The following MSI2 variants were observed in gnomAD, a reference collection of about 807,000 sequenced individuals.
MSI2 encodes musashi RNA binding protein 2.
MSI2 carries 17 observed loss-of-function variants against 45.6 expected under a neutral mutation model. The observed-to-expected ratio is 0.37, with a 90% confidence interval of 0.26 to 0.56. The LOEUF is 0.56. Among genes scored for constraint, MSI2 ranks in the 20% least tolerant of loss-of-function variants. MSI2 has a pLI of 0.77. For missense variants in MSI2, 293 were observed against 444.2 expected (o/e 0.66, Z 3.06); for synonymous variants, 156 against 158.2 (o/e 0.99, Z 0.11).
At chr17:57,670,093 C>T (rs1266274326) in intron 11 of MSI2, among the ~76,000 whole-genome samples, 2 of 152,212 alleles carry the variant, frequency 1.3e-5, no homozygotes, top group Non-Finnish European at 2.9e-5. Context: ...ATTTTGTAAA[C>T]ATTTGCTTTC....
At chr17:57,268,341 C>G (rs1250669785) in intron 5 of MSI2, 1 of 152,102 alleles carries the variant, frequency 6.6e-6, no homozygotes, top group Non-Finnish European at 1.5e-5. Flanking sequence ...ATCACCAAAG[C>G]CAGGGAGGAG....
intron 7 of MSI2, among the ~76,000 whole-genome samples, chr17:57,561,291 A>G (rs1439858324): frequency 6.6e-6 from 1 of 152,058 alleles, no homozygotes; most frequent in African/African-American, 2.4e-5. Flanking sequence ...ATTTTTGCCC[A>G]CCTGCCTGGA....
At chr17:57,563,746 G>GCGCACACACACACACACACACACACACA (rs534460755) in intron 7 of MSI2, among the ~76,000 whole-genome samples, 23 of 139,396 alleles carry the variant, frequency 1.6e-4, no homozygotes, top group Middle Eastern at 6.9e-3. Context: ...ACACAGGCGC[G>GCGCACACACACACACACACACACACACA]CACACACACA....
At chr17:57,455,887 G>T (rs985679953) in intron 6 of MSI2, among the ~76,000 whole-genome samples, 1 of 152,202 alleles carries the variant, frequency 6.6e-6, no homozygotes, top group African/African-American at 2.4e-5. Context: ...CATCCCAGCT[G>T]GTGCCCGCGT....
chr17:57,616,146 C>A, intron 9 of MSI2, 62 bp downstream of exon 9: 1 of 1,314,008 alleles, frequency 7.6e-7, no homozygotes, highest in Non-Finnish European at 1.1e-6. Flanking sequence ...CCTCTACTCC[C>A]AACTGGGTCA....
intron 5 of MSI2, among the ~76,000 whole-genome samples, chr17:57,308,169 A>G (rs917613765): frequency 3.3e-5 from 5 of 152,016 alleles, no homozygotes; most frequent in East Asian, 1.9e-4. Context: ...CTGCCTCCCA[A>G]TTGGCTGTAA....
intron 7 of MSI2, among the ~76,000 whole-genome samples, chr17:57,530,803 G>A (rs1226937955): frequency 6.6e-6 from 1 of 152,168 alleles, no homozygotes; most frequent in East Asian, 1.9e-4. Context: ...AGAAGGAGTG[G>A]AGTGGGAATC....
intron 9 of MSI2, chr17:57,618,072 A>AAATAATAATAATAATAATAATAATAAT (rs56843897): frequency 6.8e-6 from 1 of 147,350 alleles, no homozygotes; most frequent in Non-Finnish European, 1.5e-5. Context: ...CTCTGTCTCA[A>AAATAATAATAATAATAATAATAATAAT]AATAATAATA....
chr17:57,271,380 C>T (rs1908350886), intron 5 of MSI2, among the ~76,000 whole-genome samples: 1 of 152,010 alleles, frequency 6.6e-6, no homozygotes, highest in African/African-American at 2.4e-5. Context: ...TATGAGCAGC[C>T]AAGGAGCGGG....
chr17:57,659,702 G>A (rs531241084), intron 11 of MSI2, among the ~76,000 whole-genome samples: 66 of 152,006 alleles, frequency 4.3e-4, no homozygotes, highest in African/African-American at 1.4e-3. Context: ...CCAGGACACC[G>A]GGCACAAGCA....
Position 57,631,920 on chromosome 17 carries a change from C to T in MSI2, c.727+4617C>T, listed in dbSNP as rs1909411580. ...CGGCCTGGGCTGCCCCCGCTCCAGT[C>T]AATGCTCACTGAAAGTCTGTCTTAG... On this transcript the variant is annotated intron_variant, in intron 10 of 13. Transcript: ENST00000284073. 1.3e-5 allele frequency: 21 copies of T among 1,556,862 alleles called. No homozygotes were observed. In the South Asian group the frequency reaches 2.4e-4, roughly 18 times the overall value.
intron 6 of MSI2, among the ~76,000 whole-genome samples, chr17:57,456,515 A>G (rs999660126): frequency 6.6e-6 from 1 of 152,068 alleles, no homozygotes; most frequent in Non-Finnish European, 1.5e-5. Flanking sequence ...GAATTGCTTG[A>G]ACCTGGGAGG....
At chr17:57,514,503 C>T (rs1487898253) in intron 6 of MSI2, among the ~76,000 whole-genome samples, 2 of 152,132 alleles carry the variant, frequency 1.3e-5, no homozygotes, top group African/African-American at 2.4e-5. Flanking sequence ...TTTGTAATTC[C>T]TCTTTACCTC....
At chr17:57,386,111 G>T (rs1182523548) in intron 5 of MSI2, among the ~76,000 whole-genome samples, 1 of 152,210 alleles carries the variant, frequency 6.6e-6, no homozygotes, top group East Asian at 1.9e-4. Flanking sequence ...AGTCACCAAT[G>T]GTCTTTTTTA....
intron 8 of MSI2, among the ~76,000 whole-genome samples, chr17:57,605,908 C>T (rs539214138): frequency 3.9e-5 from 6 of 152,356 alleles, no homozygotes; most frequent in Non-Finnish European, 7.4e-5. Context: ...AGCCTTGTGG[C>T]GGAACCTGAG....
At chr17:57,458,368 G>A (rs1052879487) in intron 6 of MSI2, among the ~76,000 whole-genome samples, 1 of 152,256 alleles carries the variant, frequency 6.6e-6, no homozygotes, top group Middle Eastern at 3.4e-3. Context: ...CCAAAGTGCT[G>A]GGATTATAGG....
chr17:57,514,648 T>C (rs2086428880), intron 6 of MSI2, among the ~76,000 whole-genome samples: 1 of 126,068 alleles, frequency 7.9e-6, no homozygotes, highest in Non-Finnish European at 1.7e-5. Context: ...CTTGAATTGA[T>C]ACTTTTTTTT....
chr17:57,575,867 T>C (rs544947025), intron 7 of MSI2, among the ~76,000 whole-genome samples: 31 of 139,994 alleles, frequency 2.2e-4, no homozygotes, highest in East Asian at 2.1e-3. Context: ...ATGGCGTGAA[T>C]CCAGGAGGCG....
chr17:57,631,616 C>T (rs1398497572), intron 10 of MSI2: 1 of 612,516 alleles, frequency 1.6e-6, no homozygotes, highest in Non-Finnish European at 2.9e-6. Flanking sequence ...ACTCTGGGAA[C>T]AGCTCCTTCT....
Sources: allele counts gnomAD v4.1 joint callset (sites outside exome capture counted in the v4.1 genomes callset), GRCh38; gene constraint gnomAD v4.1.1; transcripts MANE v1.5; gene names NCBI Gene and HGNC (gene_info 2026-07-23, HGNC 2026-07-21).